Variants in KATNIP observed in about 807,000 individuals in gnomAD.
KATNIP encodes katanin interacting protein, also known as katanin-interacting protein.
KATNIP carries 126 observed loss-of-function variants against 174.0 expected under a neutral mutation model. That is an observed-to-expected ratio of 0.72 (90% confidence interval 0.63 to 0.84). KATNIP has a LOEUF of 0.84. KATNIP is among the 40% of genes least tolerant of loss of function. The pLI is 0.00. For synonymous variants in KATNIP, 810 were observed against 835.7 expected, an observed-to-expected ratio of 0.97 and a Z score of 0.53; for missense variants, 1,958 against 2,109.7, an observed-to-expected ratio of 0.93 and a Z score of 1.41.
In KATNIP at chr16:27,740,360, G is replaced by A. The variant is rs199749743; in HGVS notation, c.2063G>A (p.Arg688Lys). The change falls in exon 15 of 28, where the codon AGG becomes AAG. Residue 688 changes from arginine to lysine, a missense_variant. By Grantham distance (26) the Arg-to-Lys change is conservative. Coordinates refer to ENST00000261588, the MANE Select transcript of KATNIP (RefSeq NM_015202.5). The stretch of plus-strand genomic sequence containing the variant: ...AAAAGAAAGAATTCTACTAATTGCA[G>A]GAAAGACAGTTTGTCCCAGTTAGAG... The part of the protein sequence containing the change: ...SGKRKNSTNC[R>K]KDSLSQLEEY... 99 of 1,614,178 alleles carry A rather than the reference G, an allele frequency of 6.1e-5. No homozygotes were observed. Among genetic ancestry groups the A allele is most frequent in the Non-Finnish European group, 7.0e-5 (83 of 1,179,992 alleles).
intron 2 of KATNIP, among the ~76,000 whole-genome samples, chr16:27,577,486 G>A (rs1157327501): frequency 2.0e-5 from 3 of 152,178 alleles, no homozygotes; most frequent in African/African-American, 7.2e-5. Flanking sequence ...GAGGTCAGGA[G>A]TTTGAGACCA....
In KATNIP at chr16:27,754,154, T is replaced by C. The variant is rs1156591988; in HGVS notation, c.3553-19T>C. ...CTAAAACCACCCCCTTTTCCTCTGC[T>C]TCTCCAACCCATGTGCAGATCCCGG... On this transcript the variant is annotated intron_variant, in intron 17 of 27. Transcript: ENST00000261588. 1.2e-6 allele frequency: 2 copies of C among 1,611,282 alleles called. No homozygotes were observed. The highest frequency in any genetic ancestry group is 1.7e-5 in the Admixed American group (1 of 59,986).
intron 6 of KATNIP, chr16:27,654,721 T>C: frequency 7.4e-7 from 1 of 1,352,026 alleles, no homozygotes; most frequent in Non-Finnish European, 9.8e-7. Flanking sequence ...TCCTCTTAAC[T>C]ATTCAGGATG....
intron 27 of KATNIP, 88 bp downstream of exon 27, chr16:27,778,057 C>T (rs2082566312): frequency 8.5e-7 from 1 of 1,180,506 alleles, no homozygotes; most frequent in African/African-American, 1.5e-5. Flanking sequence ...CCCCCACCCT[C>T]ACCCCTGCCT....
At chr16:27,636,187 A>G (rs1352835062) in intron 5 of KATNIP, among the ~76,000 whole-genome samples, 1 of 152,156 alleles carries the variant, frequency 6.6e-6, no homozygotes, top group Admixed American at 6.6e-5. Context: ...CTTCCCTGGA[A>G]AAAATGGAAA....
chr16:27,772,018 T>C (rs2082325982), intron 22 of KATNIP, among the ~76,000 whole-genome samples: 1 of 152,144 alleles, frequency 6.6e-6, no homozygotes, highest in Non-Finnish European at 1.5e-5. Context: ...AGCTCACACC[T>C]GTAATCCCAG....
Position 27,769,950 on chromosome 16 carries a change from T to C in KATNIP, c.4065T>C (p.Phe1355=). The C allele has an allele frequency of 6.2e-7, 1 of 1,614,242 alleles. No homozygotes were observed. Among genetic ancestry groups the C allele is most frequent in the African/African-American group, 1.3e-5 (1 of 75,074 alleles). The change falls in exon 21 of 28, where the codon TTT becomes TTC. Residue 1355 remains phenylalanine (F), a synonymous_variant. Coordinates refer to ENST00000261588, the MANE Select transcript of KATNIP (RefSeq NM_015202.5). ...LIRKGPGNCH[F]DFAQEILFVD... is the part of the protein sequence containing the mutation. ...GGAAGGGGCCAGGCAACTGCCACTT[T>C]GATTTTGCTCAAGAAATCCTCTTCG...
At chr16:27,770,790 C>A (rs2082271579) in intron 21 of KATNIP, among the ~76,000 whole-genome samples, 1 of 152,192 alleles carries the variant, frequency 6.6e-6, no homozygotes, top group Non-Finnish European at 1.5e-5. Flanking sequence ...AGTATGATGC[C>A]CGTTTTACAG....
intron 13 of KATNIP, among the ~76,000 whole-genome samples, chr16:27,714,650 A>G (rs2079845125): frequency 6.6e-6 from 1 of 152,204 alleles, no homozygotes; most frequent in Non-Finnish European, 1.5e-5. Context: ...TATTGACCTT[A>G]CAGAAATAAA....
At chr16:27,723,198 C>T (rs1253861480) in intron 14 of KATNIP, among the ~76,000 whole-genome samples, 14 of 152,204 alleles carry the variant, frequency 9.2e-5, no homozygotes, top group Non-Finnish European at 1.5e-5. Context: ...AATCACACAT[C>T]TCTGCTGCTT....
chr16:27,552,906 C>G (rs1445660710), intron 1 of KATNIP, among the ~76,000 whole-genome samples: 1 of 152,066 alleles, frequency 6.6e-6, no homozygotes, highest in Non-Finnish European at 1.5e-5. Flanking sequence ...GTTGGTCAGG[C>G]TGGTCTCAAA....
chr16:27,557,430 A>ATT lies in KATNIP; in HGVS notation c.7+7271_7+7272dup, dbSNP rs35106167. 7.2e-3 allele frequency among the ~76,000 whole-genome samples: 862 copies of ATT among 119,416 alleles called. 13 individuals carry two copies. The highest frequency in any genetic ancestry group is 0.025 in the African/African-American group (811 of 32,186). The allele number at this position is 119,416 out of a possible 152,430, so 78.3% of individuals were successfully genotyped here. On this transcript the variant is annotated intron_variant, in intron 1 of 27. Transcript: ENST00000261588. Reference sequence around the variant, plus strand: ...TAAAGTGCTACGGTTACAGGTGTGGATTTTTTTTTTTTTTTTTTTGAGACA... The same window carrying ATT: ...TAAAGTGCTACGGTTACAGGTGTGGATTTTTTTTTTTTTTTTTTTTTGAGACA...
chr16:27,571,284 C>T (rs186042903), intron 1 of KATNIP, among the ~76,000 whole-genome samples: 189 of 152,254 alleles, frequency 1.2e-3, no homozygotes, highest in Middle Eastern at 3.4e-3. Context: ...CCACCCGCTT[C>T]GACCTCCCTA....
chr16:27,729,534 C>G (rs1310224818), intron 14 of KATNIP, among the ~76,000 whole-genome samples: 1 of 152,126 alleles, frequency 6.6e-6, no homozygotes, highest in East Asian at 1.9e-4. Flanking sequence ...TTTTCTTTTT[C>G]TCTTAGAACA....
rs987744376 is a variant in KATNIP, at chr16:27,689,379, C to G, written c.940+7849C>G. ...TGCAGTGAGATCACGCCACTGGACT[C>G]CAGCCTGGATGACAGAGTGAGACTC... On this transcript the variant is annotated intron_variant, in intron 8 of 27. Transcript: ENST00000261588. Among the ~76,000 whole-genome samples, 7 of 151,822 alleles carry G rather than the reference C, an allele frequency of 4.6e-5. 1 individual carries two copies. The highest frequency in any genetic ancestry group is 1.5e-4 in the African/African-American group (6 of 41,284).
At chr16:27,708,980 C>T in intron 13 of KATNIP, 60 bp downstream of exon 13, 3 of 1,379,684 alleles carry the variant, frequency 2.2e-6, no homozygotes, top group Non-Finnish European at 3.0e-6. Context: ...TTTTCTCTGC[C>T]CTTGGTAAAT....
intron 4 of KATNIP, among the ~76,000 whole-genome samples, chr16:27,629,918 C>T (rs1031645233): frequency 2.0e-5 from 3 of 152,190 alleles, no homozygotes; most frequent in African/African-American, 7.2e-5. Context: ...GAGGCTGAGG[C>T]AGGAGGACTG....
At chr16:27,732,787 C>T (rs1041544757) in intron 14 of KATNIP, among the ~76,000 whole-genome samples, 3 of 152,226 alleles carry the variant, frequency 2.0e-5, no homozygotes, top group African/African-American at 7.2e-5. Flanking sequence ...CCCTAAACCC[C>T]TGGCCCAGAA....
Position 27,740,102 on chromosome 16 carries a change from G to A in KATNIP, c.1805G>A (p.Gly602Asp). 6.2e-7 allele frequency: 1 copy of A among 1,614,156 alleles called. No homozygotes were observed. The highest frequency in any genetic ancestry group is 1.1e-5 in the South Asian group (1 of 91,068). The change falls in exon 15 of 28, where the codon GGC becomes GAC. Residue 602 changes from glycine (G) to aspartate (D), a missense_variant. Around this residue, in one of 3 missense-constraint regions of KATNIP, gnomAD observed 1,557 missense variants for 1,617.8 expected, o/e 0.96. Transcript: ENST00000261588. Reference sequence around the variant, plus strand: ...GTCAACAGAAACCTCATCTTCAATGGCAAGTTAGACAAAGGAGATAGGGAG... The same window carrying A: ...GTCAACAGAAACCTCATCTTCAATGACAAGTTAGACAAAGGAGATAGGGAG... ...LYVNRNLIFN[G>D]KLDKGDREAP... is the part of the protein sequence containing the mutation.
Sources: allele counts gnomAD v4.1 joint callset (sites outside exome capture counted in the v4.1 genomes callset), GRCh38; gene constraint gnomAD v4.1.1; regional missense constraint gnomAD v4.1.1; transcripts MANE v1.5; gene names NCBI Gene and HGNC (gene_info 2026-07-23, HGNC 2026-07-21).